Variants in PRPF38B observed in about 807,000 individuals in gnomAD.
The protein encoded by PRPF38B is pre-mRNA-splicing factor 38B.
A neutral mutation model predicts 67.2 loss-of-function variants in PRPF38B; 18 were observed. The observed-to-expected ratio is 0.27, with a 90% confidence interval of 0.19 to 0.40. The LOEUF (loss-of-function observed/expected upper bound fraction) is 0.40, where lower values mean the gene tolerates loss of function less well. PRPF38B is among the 10% of genes least tolerant of loss of function. PRPF38B has a pLI of 1.00. For missense variants in PRPF38B, 544 were observed against 684.9 expected (o/e 0.79, Z 2.30); for synonymous variants, 246 against 234.2 (o/e 1.05, Z -0.46).
chr1:108,697,001 T>G (rs943916749), intron 4 of PRPF38B: 8 of 499,116 alleles, frequency 1.6e-5, no homozygotes, highest in Admixed American at 7.5e-5. Flanking sequence ...TGGCTGGGCG[T>G]GGTGGCTCAC....
chr1:108,692,989 G>C (rs746990353), intron 1 of PRPF38B, 122 bp downstream of exon 1: 11 of 1,259,052 alleles, frequency 8.7e-6, no homozygotes, highest in African/African-American at 1.5e-5. Context: ...TTCGGCGGAG[G>C]GGTGGCTGCG....
intron 5 of PRPF38B, 128 bp downstream of exon 5, chr1:108,698,955 C>G: frequency 7.7e-7 from 1 of 1,304,224 alleles, no homozygotes; most frequent in Non-Finnish European, 1.0e-6. Context: ...ACTTTTACCC[C>G]CCAAAGATTA....
chr1:108,699,037 A>G (rs1403708386), intron 5 of PRPF38B, 125 bp from the exon 6 acceptor site: 4 of 1,498,152 alleles, frequency 2.7e-6, no homozygotes, highest in African/African-American at 2.8e-5. Context: ...TTTTTGCTTT[A>G]ATGATTCTTG....
In PRPF38B at chr1:108,701,934, T is replaced by G. The variant is rs1287935519; in HGVS notation, c.*1914T>G. The G allele has an allele frequency of 6.6e-6, 1 of 152,234 alleles. No homozygotes were observed. The highest frequency in any genetic ancestry group is 2.4e-5 in the African/African-American group (1 of 41,464). The allele number at this position is 152,234 out of a possible 1,614,324, so 9.4% of individuals were successfully genotyped here. A position where few individuals can be genotyped will look rare whatever the true frequency, so the allele number is the denominator to read the frequency against. ...TATGAAAGCCACTAAATTTGTCTTG[T>G]GTTGAAAATCTACTTTTAGCATACC... On this transcript the variant is annotated 3_prime_UTR_variant, in exon 6 of 6. Coordinates refer to ENST00000370025, the MANE Select transcript of PRPF38B (RefSeq NM_018061.4).
chr1:108,697,711 G>T (rs905741788), intron 4 of PRPF38B: 1 of 152,048 alleles, frequency 6.6e-6, no homozygotes, highest in Admixed American at 6.6e-5. Flanking sequence ...AATTGGTGTT[G>T]TATTGGTTTT....
At chr1:108,693,869 A>C (rs1659586136) in intron 1 of PRPF38B, among the ~76,000 whole-genome samples, 1 of 152,212 alleles carries the variant, frequency 6.6e-6, no homozygotes, top group Non-Finnish European at 1.5e-5. Context: ...GTGGTCTTTA[A>C]AAATTTTATC....
chr1:108,693,257 C>A (rs888333384), intron 1 of PRPF38B, among the ~76,000 whole-genome samples: 1 of 152,150 alleles, frequency 6.6e-6, no homozygotes, highest in Non-Finnish European at 1.5e-5. Flanking sequence ...CCCGCTCACC[C>A]CTGGCCAGGG....
Position 108,699,484 on chromosome 1 carries a change from G to A in PRPF38B, c.1105G>A (p.Asp369Asn). The A allele has an allele frequency of 6.3e-7, 1 of 1,598,404 alleles. No individual in the cohort carries two copies. Among genetic ancestry groups the A allele is most frequent in the Non-Finnish European group, 8.5e-7 (1 of 1,172,110 alleles). ...TGAGAGAGGTAGAAGACGAGATCGT[G>A]ACTATGATAAGGAAAGAGGAAATGA... ...ENERGRRRDRDYDKERGNERE... is the reference protein window; with the variant it reads ...ENERGRRRDRNYDKERGNERE... Residue 369 changes from aspartate (D) to asparagine (N), a missense_variant, in exon 6 of 6, where the codon GAC becomes AAC. By Grantham distance (23) the Asp-to-Asn change is conservative. Around this residue, in one of 5 missense-constraint regions of PRPF38B, gnomAD observed 387 missense variants for 386.1 expected, o/e 1.00. Transcript: ENST00000370025.
chr1:108,698,541 A>C (rs1186192881), intron 4 of PRPF38B, 63 bp from the exon 5 acceptor site: 1 of 1,136,000 alleles, frequency 8.8e-7, no homozygotes, highest in Non-Finnish European at 1.3e-6. Flanking sequence ...ATATTTTTAT[A>C]ATATTCATGT....
Position 108,700,091 on chromosome 1 carries a change from G to C in PRPF38B, c.*71G>C. 1 of 1,519,642 alleles carries C rather than the reference G, an allele frequency of 6.6e-7. No homozygotes were observed. The allele number at this position is 1,519,642 out of a possible 1,614,324, so 94.1% of individuals were successfully genotyped here. On this transcript the variant is annotated 3_prime_UTR_variant, in exon 6 of 6. Coordinates refer to ENST00000370025, the MANE Select transcript of PRPF38B (RefSeq NM_018061.4). ...AATCTGCTTTTTTCCCCCACGTTGAGATTGTGCAGTAGTTCGCACTCCTCA... is the reference window on the plus strand; with the variant it reads ...AATCTGCTTTTTTCCCCCACGTTGACATTGTGCAGTAGTTCGCACTCCTCA...
At chr1:108,696,768 T>C (rs1659900276) in intron 4 of PRPF38B, 7 of 716,748 alleles carry the variant, frequency 9.8e-6, no homozygotes, top group South Asian at 7.4e-5. Flanking sequence ...CTTCCAAATA[T>C]CAGTATTCCC....
chr1:108,698,580 A>G (rs747561307), intron 4 of PRPF38B, 24 bp from the exon 5 acceptor site: 15 of 1,497,202 alleles, frequency 1.0e-5, no homozygotes, highest in Non-Finnish European at 1.4e-5. Context: ...TTTGACGGCT[A>G]GGGTATCTTT....
intron 1 of PRPF38B, among the ~76,000 whole-genome samples, chr1:108,694,423 G>T (rs765941931): frequency 1.3e-5 from 2 of 152,048 alleles, no homozygotes; most frequent in East Asian, 1.9e-4. Flanking sequence ...TTTAAATTCC[G>T]TTAAAAAACT....
At chr1:108,698,380 A>G in intron 4 of PRPF38B, 1 of 451,702 alleles carries the variant, frequency 2.2e-6, no homozygotes, top group East Asian at 3.4e-5. Flanking sequence ...GAGTGAGATC[A>G]GTTCCCTTTA....
Position 108,700,109 on chromosome 1 carries a change from A to G in PRPF38B, c.*89A>G. ...ACGTTGAGATTGTGCAGTAGTTCGCACTCCTCAAGCTCTCCCTGTAGGCTG... is the reference window on the plus strand; with the variant it reads ...ACGTTGAGATTGTGCAGTAGTTCGCGCTCCTCAAGCTCTCCCTGTAGGCTG... On this transcript the variant is annotated 3_prime_UTR_variant, in exon 6 of 6. Transcript: ENST00000370025. The G allele has an allele frequency of 6.7e-7, 1 of 1,491,066 alleles. No homozygotes were observed. Among genetic ancestry groups the G allele is most frequent in the Non-Finnish European group, 8.9e-7 (1 of 1,125,266 alleles). The allele number at this position is 1,491,066 out of a possible 1,614,324, so 92.4% of individuals were successfully genotyped here.
rs1557771792 is a variant in PRPF38B at position 108,699,714 on chromosome 1, G to GA, written c.1338dup (p.Arg447ThrfsTer3). The GA allele has an allele frequency of 6.2e-7, 1 of 1,612,266 alleles. No individual in the cohort carries two copies. On this transcript the variant is annotated frameshift_variant, in exon 6 of 6. Coordinates refer to ENST00000370025, the MANE Select transcript of PRPF38B (RefSeq NM_018061.4). LOFTEE classifies it high-confidence loss of function. ...GTAGGAGTCGAAGTAGAAATGCAGG[G>GA]AAACGAAGTAGAAGTAGAAGCAAAG...
chr1:108,692,560 CTCCTT>C lies in PRPF38B; in HGVS notation c.-31_-27del. The C allele has an allele frequency of 6.6e-7, 1 of 1,513,334 alleles. No homozygotes were observed. The highest frequency in any genetic ancestry group is 8.8e-7 in the Non-Finnish European group (1 of 1,130,344). 93.7% of individuals were successfully genotyped at this position (1,513,334 alleles called of 1,614,324 possible). A position where few individuals can be genotyped will look rare whatever the true frequency, so the allele number is the denominator to read the frequency against. ...GATCGAGCTTGGCCCCCTCCCCCCC[CTCCTT>C]CCCTCCCTCCTTCCTTCCGCCGCAA... On this transcript the variant is annotated 5_prime_UTR_variant, in exon 1 of 6. Coordinates refer to ENST00000370025, the MANE Select transcript of PRPF38B (RefSeq NM_018061.4).
chr1:108,693,123 G>A (rs564678891), intron 1 of PRPF38B, among the ~76,000 whole-genome samples: 1 of 152,306 alleles, frequency 6.6e-6, no homozygotes, highest in African/African-American at 2.4e-5. Context: ...GCCCACCCCT[G>A]GGGGGAGTTG....
Position 108,696,357 on chromosome 1 carries a change from A to C in PRPF38B, c.558+20A>C, listed in dbSNP as rs1277196332. ...GAAGAGGTATGTCAACAAGGGTAAT[A>C]ATTTGTTTTCTTCTGATTACTCTCA... On this transcript the variant is annotated intron_variant, in intron 4 of 5. Transcript: ENST00000370025. 1 of 1,591,764 alleles carries C rather than the reference A, an allele frequency of 6.3e-7. No individual in the cohort carries two copies. Among genetic ancestry groups the C allele is most frequent in the East Asian group, 2.2e-5 (1 of 44,674 alleles).
Sources: gnomAD v4.1 joint callset for allele counts (sites outside exome capture counted in the v4.1 genomes callset) on GRCh38, gnomAD v4.1.1 for gene constraint, gnomAD v4.1.1 regional missense constraint, MANE v1.5 for transcripts, NCBI Gene and HGNC (gene_info 2026-07-23, HGNC 2026-07-21) for gene names.